The following DSCAM variants were observed in gnomAD, a reference collection of about 807,000 sequenced individuals.
The protein encoded by DSCAM is cell adhesion molecule DSCAM.
DSCAM carries 47 observed loss-of-function variants against 217.7 expected under a neutral mutation model. The observed-to-expected ratio is 0.22, with a 90% CI of 0.17 to 0.28. The LOEUF (loss-of-function observed/expected upper bound fraction) is 0.28, where lower values mean the gene tolerates loss of function less well. Ranked by LOEUF, DSCAM falls within the 10% of genes least tolerant of loss-of-function variation. The probability of loss-of-function intolerance (pLI) is 1.00; values close to 1 mark genes in which losing one functional copy is unlikely to be tolerated. For synonymous variants in DSCAM, 1,056 were observed against 1,015.3 expected (o/e 1.04, Z -0.76); for missense variants, 2,080 against 2,618.3 (o/e 0.79, Z 4.49).
intron 11 of DSCAM, among the ~76,000 whole-genome samples, chr21:40,269,783 A>T (rs1168154000): frequency 2.0e-5 from 3 of 152,118 alleles, no homozygotes; most frequent in Non-Finnish European, 4.4e-5. Flanking sequence ...CCCTTTTAAT[A>T]AGGACACCAG....
At chr21:40,515,931 ACTTT>A (rs2076295765) in intron 3 of DSCAM, among the ~76,000 whole-genome samples, 2 of 151,980 alleles carry the variant, frequency 1.3e-5, no homozygotes, top group South Asian at 2.1e-4. Context: ...ACTCTACAAA[ACTTT>A]CTTTTTTTTT....
At chr21:40,636,778 CACA>C (rs2089766271) in intron 3 of DSCAM, among the ~76,000 whole-genome samples, 3 of 98,832 alleles carry the variant, frequency 3.0e-5, no homozygotes, top group Non-Finnish European at 6.4e-5. Context: ...TTTTTTTTTT[CACA>C]ACATCTCATT....
At chr21:40,364,055 T>G (rs548223629) in intron 4 of DSCAM, among the ~76,000 whole-genome samples, 40 of 152,188 alleles carry the variant, frequency 2.6e-4, no homozygotes, top group African/African-American at 9.2e-4. Flanking sequence ...TGTGGAGAAA[T>G]AGGAACACTT....
intron 10 of DSCAM, among the ~76,000 whole-genome samples, chr21:40,284,927 C>A (rs2073806483): frequency 6.6e-6 from 1 of 152,154 alleles, no homozygotes; most frequent in Non-Finnish European, 1.5e-5. Context: ...TATCCAATGA[C>A]AACAATGGAA....
chr21:40,674,782 G>A (rs1425266362), intron 3 of DSCAM, among the ~76,000 whole-genome samples: 2 of 151,854 alleles, frequency 1.3e-5, no homozygotes, highest in East Asian at 1.9e-4. Context: ...ACAGGCGCCT[G>A]CCACCACGCC....
intron 1 of DSCAM, among the ~76,000 whole-genome samples, chr21:40,779,252 G>A (rs1302289795): frequency 6.6e-6 from 1 of 151,990 alleles, no homozygotes; most frequent in Non-Finnish European, 1.5e-5. Flanking sequence ...AGTAGAGAGA[G>A]GCAAGACGGG....
chr21:40,343,630 G>A (rs1233726246), intron 6 of DSCAM, among the ~76,000 whole-genome samples: 1 of 151,972 alleles, frequency 6.6e-6, no homozygotes, highest in Non-Finnish European at 1.5e-5. Context: ...TATAAGATAA[G>A]CTCCAATTGA....
intron 3 of DSCAM, among the ~76,000 whole-genome samples, chr21:40,494,377 G>A (rs146909917): frequency 6.6e-6 from 1 of 152,230 alleles, no homozygotes; most frequent in African/African-American, 2.4e-5. Flanking sequence ...TAGGGAGATT[G>A]AAATCACATC....
chr21:40,033,467 G>A (rs980157251), intron 32 of DSCAM, among the ~76,000 whole-genome samples: 3 of 152,062 alleles, frequency 2.0e-5, no homozygotes, highest in African/African-American at 4.8e-5. Flanking sequence ...CTTTTCTGAC[G>A]AGCTTAAAAC....
intron 1 of DSCAM, among the ~76,000 whole-genome samples, chr21:40,774,229 A>G (rs536945769): frequency 6.6e-6 from 1 of 152,248 alleles, no homozygotes; most frequent in Non-Finnish European, 1.5e-5. Flanking sequence ...ATGTAGAGTG[A>G]AAGAGCATAG....
At chr21:40,070,046 G>A (rs1484716321) in intron 27 of DSCAM, among the ~76,000 whole-genome samples, 3 of 151,888 alleles carry the variant, frequency 2.0e-5, no homozygotes, top group Non-Finnish European at 4.4e-5. Context: ...GGTAGCCCTC[G>A]ACTCCCCCTC....
intron 9 of DSCAM, among the ~76,000 whole-genome samples, chr21:40,310,617 G>C (rs750026980): frequency 6.6e-6 from 1 of 152,170 alleles, no homozygotes; most frequent in Non-Finnish European, 1.5e-5. Context: ...TTCTGCAAGG[G>C]CAAGTTGTAC....
intron 26 of DSCAM, 22 bp downstream of exon 26, chr21:40,078,665 G>A: frequency 6.2e-7 from 1 of 1,603,434 alleles, no homozygotes; most frequent in Non-Finnish European, 8.5e-7. Context: ...AAGCAGGAGA[G>A]CCACAAAGCC....
At chr21:40,327,917 C>T (rs2074335403) in intron 8 of DSCAM, among the ~76,000 whole-genome samples, 1 of 151,978 alleles carries the variant, frequency 6.6e-6, no homozygotes, top group Non-Finnish European at 1.5e-5. Flanking sequence ...AACTAAAATA[C>T]TTATGAATAA....
intron 3 of DSCAM, among the ~76,000 whole-genome samples, chr21:40,652,644 A>G (rs2090029529): frequency 6.6e-6 from 1 of 152,206 alleles, no homozygotes. Flanking sequence ...TGTGTGCAGT[A>G]AAGGGTTAAT....
intron 18 of DSCAM, among the ~76,000 whole-genome samples, chr21:40,138,030 G>C (rs1468267631): frequency 6.6e-6 from 1 of 151,846 alleles, no homozygotes; most frequent in African/African-American, 2.4e-5. Context: ...CCTTAACCAT[G>C]ATTTAACTTT....
intron 3 of DSCAM, among the ~76,000 whole-genome samples, chr21:40,552,290 G>T (rs2076636580): frequency 6.7e-6 from 1 of 150,344 alleles, no homozygotes; most frequent in Non-Finnish European, 1.5e-5. Context: ...CTCCAGCTTG[G>T]GCAACAGAGT....
At chr21:40,826,287 C>T (rs914050981) in intron 1 of DSCAM, among the ~76,000 whole-genome samples, 22 of 152,184 alleles carry the variant, frequency 1.4e-4, no homozygotes, top group African/African-American at 4.3e-4. Context: ...GCAGAACACG[C>T]GGCCAGTGCA....
At chr21:40,323,610 T>C (rs1200720512) in intron 8 of DSCAM, among the ~76,000 whole-genome samples, 1 of 152,268 alleles carries the variant, frequency 6.6e-6, no homozygotes, top group Non-Finnish European at 1.5e-5. Flanking sequence ...GTTTGTTTTG[T>C]TGTTTTTGCT....
Sources: gnomAD v4.1 joint callset for allele counts (sites outside exome capture counted in the v4.1 genomes callset) on GRCh38, gnomAD v4.1.1 for gene constraint, MANE v1.5 for transcripts, NCBI Gene and HGNC (gene_info 2026-07-23, HGNC 2026-07-21) for gene names.